Variants in FLI1 observed in about 807,000 individuals in gnomAD.
The protein encoded by FLI1 is Friend leukemia integration 1 transcription factor.
Under a neutral mutation model 53.1 loss-of-function variants are expected in FLI1, and 13 were observed. That is an observed-to-expected ratio of 0.24 (90% CI 0.16 to 0.39). The LOEUF (loss-of-function observed/expected upper bound fraction) is 0.39, where lower values mean the gene tolerates loss of function less well. Ranked by LOEUF, FLI1 falls within the 10% of genes least tolerant of loss-of-function variation. The pLI, the probability that FLI1 is intolerant of heterozygous loss-of-function variation, is 1.00. For missense variants in FLI1, 424 were observed against 600.5 expected, an observed-to-expected ratio of 0.71 and a Z score of 3.07; for synonymous variants, 244 against 236.7, an observed-to-expected ratio of 1.03 and a Z score of -0.28.
At chr11:128,768,345 C>A (rs1180422227) in intron 3 of FLI1, 73 bp downstream of exon 3, 1 of 1,561,840 alleles carries the variant, frequency 6.4e-7, no homozygotes, top group South Asian at 1.1e-5. Context: ...GCATCTAAAC[C>A]TTTATCTGAT....
At position 128,694,172 on chromosome 11, in the gene FLI1, C is replaced by T; in HGVS notation, c.-87C>T. 6.9e-7 allele frequency: 1 copy of T among 1,442,646 alleles called. No individual in the cohort carries two copies. Among genetic ancestry groups the T allele is most frequent in the Non-Finnish European group, 9.2e-7 (1 of 1,086,714 alleles). The allele number at this position is 1,442,646 out of a possible 1,614,324, so 89.4% of individuals were successfully genotyped here. Reference sequence around the variant, plus strand: ...GGCCCAGGGCGCCAGGGAGGCCGCGCCGGGCTAATCCGAAGGGGCTGCGAG... The same window carrying T: ...GGCCCAGGGCGCCAGGGAGGCCGCGTCGGGCTAATCCGAAGGGGCTGCGAG... On this transcript the variant is annotated 5_prime_UTR_variant, in exon 1 of 9. Transcript: ENST00000527786.
rs1161981710 is a variant in FLI1, at chr11:128,734,645, T to C, written c.19-23470T>C. 2.0e-5 allele frequency among the ~76,000 whole-genome samples: 3 copies of C among 152,214 alleles called. No homozygotes were observed. In the East Asian group the frequency reaches 5.8e-4, roughly 29 times the overall value. On this transcript the variant is annotated intron_variant, in intron 1 of 8. Coordinates refer to ENST00000527786, the MANE Select transcript of FLI1 (RefSeq NM_002017.5). ...ACTTGCTCTTGGTGGCCAGTTTCAT[T>C]TCCTGGTTTTGAGAAAATGTCAGGG...
intron 4 of FLI1, among the ~76,000 whole-genome samples, 161 bp from the exon 5 acceptor site, chr11:128,781,797 A>G (rs1941922908): frequency 1.3e-5 from 2 of 152,052 alleles, no homozygotes; most frequent in Non-Finnish European, 1.5e-5. Context: ...ATTGTCTCCA[A>G]CCAAATGGAT....
At chr11:128,744,912 G>A (rs1452976576) in intron 1 of FLI1, among the ~76,000 whole-genome samples, 1 of 152,218 alleles carries the variant, frequency 6.6e-6, no homozygotes, top group Admixed American at 6.5e-5. Context: ...GTGCCAAATT[G>A]GTGCCAACAG....
At chr11:128,708,883 A>G (rs982215123) in intron 1 of FLI1, among the ~76,000 whole-genome samples, 5 of 152,222 alleles carry the variant, frequency 3.3e-5, no homozygotes, top group Non-Finnish European at 7.3e-5. Flanking sequence ...AGTTAGCCAA[A>G]GTTACCAAAT....
At chr11:128,695,270 G>GT (rs1938009693) in intron 1 of FLI1, among the ~76,000 whole-genome samples, 1 of 152,286 alleles carries the variant, frequency 6.6e-6, no homozygotes, top group Admixed American at 6.5e-5. Context: ...CTCTGAAAGG[G>GT]TTCGCCAAGT....
intron 5 of FLI1, among the ~76,000 whole-genome samples, chr11:128,786,494 T>C (rs1344993516): frequency 6.6e-6 from 1 of 152,212 alleles, no homozygotes. Context: ...GTAGATATGG[T>C]GTTGGTAACG....
intron 5 of FLI1, among the ~76,000 whole-genome samples, chr11:128,789,028 G>A (rs1161286714): frequency 6.6e-6 from 1 of 152,194 alleles, no homozygotes; most frequent in Non-Finnish European, 1.5e-5. Flanking sequence ...TAGCTCCTGT[G>A]TGGATGTCCT....
intron 5 of FLI1, among the ~76,000 whole-genome samples, chr11:128,796,706 G>A (rs1474808516): frequency 6.6e-6 from 1 of 152,216 alleles, no homozygotes; most frequent in Non-Finnish European, 1.5e-5. Flanking sequence ...CGGGCGTGGT[G>A]GCTCACGCCT....
rs116386945 is a variant in FLI1, at chr11:128,738,168, C to T, written c.19-19947C>T. 4.4e-3 allele frequency among the ~76,000 whole-genome samples: 676 copies of T among 152,264 alleles called. 4 individuals carry two copies. Among genetic ancestry groups the T allele is most frequent in the African/African-American group, 0.015 (640 of 41,544 alleles). On this transcript the variant is annotated intron_variant, in intron 1 of 8. Transcript: ENST00000527786. ...TCACCCTGCTCTCCTGACTTAAGTG[C>T]CATCCGCCTTATTTTATAGAAGAAA...
intron 1 of FLI1, among the ~76,000 whole-genome samples, chr11:128,700,382 A>G (rs1225740940): frequency 6.6e-6 from 1 of 152,160 alleles, no homozygotes; most frequent in African/African-American, 2.4e-5. Flanking sequence ...TACTACACAC[A>G]CTGGCCACAC....
chr11:128,747,196 G>A (rs773034733), intron 1 of FLI1, among the ~76,000 whole-genome samples: 2 of 152,204 alleles, frequency 1.3e-5, no homozygotes, highest in Admixed American at 6.5e-5. Flanking sequence ...GAGGAGACAC[G>A]GTGCCCATCA....
At chr11:128,692,568 A>C (rs1357981912), upstream of FLI1, 1 of 152,088 alleles carries the variant, frequency 6.6e-6, no homozygotes, top group Non-Finnish European at 1.5e-5. Context: ...TGATGAGACT[A>C]ATTTCTAGAG....
At chr11:128,688,768 G>A (rs1414937919) in intron 1 of FLI1, among the ~76,000 whole-genome samples, 3 of 152,164 alleles carry the variant, frequency 2.0e-5, no homozygotes, top group Non-Finnish European at 2.9e-5. Flanking sequence ...GAGGGAAGAG[G>A]GTGACACTTG....
At chr11:128,714,044 C>G (rs1938901135) in intron 1 of FLI1, among the ~76,000 whole-genome samples, 1 of 152,130 alleles carries the variant, frequency 6.6e-6, no homozygotes, top group Admixed American at 6.6e-5. Context: ...TAATGTTTTA[C>G]TGAGTGCATA....
chr11:128,694,246 C>A lies in FLI1; in HGVS notation c.-13C>A. 6.7e-7 allele frequency: 1 copy of A among 1,483,624 alleles called. No homozygotes were observed. The highest frequency in any genetic ancestry group is 1.5e-5 in the African/African-American group (1 of 68,380). The allele number at this position is 1,483,624 out of a possible 1,614,324, so 91.9% of individuals were successfully genotyped here. A position where few individuals can be genotyped will look rare whatever the true frequency, so the allele number is the denominator to read the frequency against. ...TGTGGAATATTGGGGGGCTCGGCTG[C>A]AGACTTGGCCAAATGGACGGGACTA... On this transcript the variant is annotated 5_prime_UTR_variant, in exon 1 of 9. Coordinates refer to ENST00000527786, the MANE Select transcript of FLI1 (RefSeq NM_002017.5).
rs1021105486 is a variant in FLI1 at position 128,775,374 on chromosome 11, A to AC, written c.589+2390dup. 8.7e-4 allele frequency among the ~76,000 whole-genome samples: 132 copies of AC among 151,328 alleles called. 2 individuals are homozygous for AC. The highest frequency in any genetic ancestry group is 9.9e-4 in the Admixed American group (15 of 15,222). On this transcript the variant is annotated intron_variant, in intron 4 of 8. Coordinates refer to ENST00000527786, the MANE Select transcript of FLI1 (RefSeq NM_002017.5). The stretch of plus-strand genomic sequence containing the variant: ...TCGTGTTAAATTAAAAAAAAAAAAA[A>AC]CTTGCCCCAACATGGTATTGAAATA...
chr11:128,755,639 G>A (rs1262936971), intron 1 of FLI1, among the ~76,000 whole-genome samples: 2 of 152,184 alleles, frequency 1.3e-5, no homozygotes, highest in African/African-American at 2.4e-5. Flanking sequence ...AATCAAGAGT[G>A]GATATAATAA....
chr11:128,742,300 G>A (rs78982011), intron 1 of FLI1, among the ~76,000 whole-genome samples: 8,745 of 152,150 alleles, frequency 0.057, 832 homozygotes, highest in African/African-American at 0.2. Context: ...CATATTCCTG[G>A]CTTTTATCAA....
Sources: gnomAD v4.1 joint callset for allele counts (sites outside exome capture counted in the v4.1 genomes callset) on GRCh38, gnomAD v4.1.1 for gene constraint, MANE v1.5 for transcripts, NCBI Gene and HGNC (gene_info 2026-07-23, HGNC 2026-07-21) for gene names.